The following AAMDC variants were observed in gnomAD, a reference collection of about 807,000 sequenced individuals.
AAMDC encodes the protein mth938 domain-containing protein.
A neutral mutation model predicts 15.5 loss-of-function variants in AAMDC; 16 were observed. That is an observed-to-expected ratio of 1.03 (90% confidence interval 0.70 to 1.57). The LOEUF (loss-of-function observed/expected upper bound fraction) is 1.57. Ranked by LOEUF, AAMDC falls within the 40% of genes most tolerant of loss-of-function variation. AAMDC has a pLI of 0.00. For synonymous variants in AAMDC, 51 were observed against 51.6 expected (o/e 0.99, Z 0.05); for missense variants, 141 against 144.9 (o/e 0.97, Z 0.14).
intron 2 of AAMDC, among the ~76,000 whole-genome samples, chr11:77,863,616 T>C (rs144923176): frequency 6.2e-4 from 95 of 152,292 alleles, no homozygotes; most frequent in African/African-American, 2.0e-3. Flanking sequence ...CTTGAACTCC[T>C]GGCCTCAAGA....
intron 2 of AAMDC, among the ~76,000 whole-genome samples, chr11:77,865,301 T>G (rs1951061680): frequency 6.6e-6 from 1 of 152,220 alleles, no homozygotes; most frequent in South Asian, 2.1e-4. Context: ...TCATAAATTA[T>G]TGTGGCCAGT....
chr11:77,869,109 T>C (rs935352159), intron 2 of AAMDC: 20 of 270,404 alleles, frequency 7.4e-5, no homozygotes, highest in African/African-American at 3.4e-4. Context: ...ACATGTACCA[T>C]GTGGCCAAAG....
At chr11:77,860,540 G>C (rs1298236827) in intron 2 of AAMDC, among the ~76,000 whole-genome samples, 1 of 152,234 alleles carries the variant, frequency 6.6e-6, no homozygotes, top group Non-Finnish European at 1.5e-5. Context: ...TGGGTGGCTT[G>C]ATGGCACAAG....
intron 5 of AAMDC, among the ~76,000 whole-genome samples, chr11:77,886,380 T>C (rs917390929): frequency 2.0e-5 from 3 of 152,146 alleles, no homozygotes; most frequent in Admixed American, 1.3e-4. Flanking sequence ...GTATGAATGA[T>C]CATCAGGTAG....
chr11:77,825,947 C>T (rs1261678103), intron 1 of AAMDC, among the ~76,000 whole-genome samples: 1 of 152,140 alleles, frequency 6.6e-6, no homozygotes, highest in Non-Finnish European at 1.5e-5. Context: ...TCACCTCGGC[C>T]TCCCAAAGTG....
At chr11:77,896,138 T>G (rs1952507075) in intron 5 of AAMDC, among the ~76,000 whole-genome samples, 1 of 151,856 alleles carries the variant, frequency 6.6e-6, no homozygotes, top group East Asian at 1.9e-4. Flanking sequence ...CGGTGAGAGT[T>G]AACAGGGGAT....
At chr11:77,839,918 C>G (rs2136123550) in intron 1 of AAMDC, among the ~76,000 whole-genome samples, 1 of 152,234 alleles carries the variant, frequency 6.6e-6, no homozygotes. Flanking sequence ...ACCACCATGG[C>G]ACATGTGTAC....
chr11:77,862,737 C>T (rs1950935345), intron 2 of AAMDC, among the ~76,000 whole-genome samples: 1 of 152,156 alleles, frequency 6.6e-6, no homozygotes. Context: ...TTCACTCTTC[C>T]TTCTTTTCTA....
intron 5 of AAMDC, among the ~76,000 whole-genome samples, chr11:77,889,439 TA>T (rs1440741774): frequency 2.0e-5 from 3 of 151,902 alleles, no homozygotes; most frequent in African/African-American, 7.3e-5. Context: ...GAGATATACC[TA>T]ATGCTAGATG....
At chr11:77,824,512 A>G (rs1949078696) in intron 1 of AAMDC, among the ~76,000 whole-genome samples, 1 of 152,248 alleles carries the variant, frequency 6.6e-6, no homozygotes, top group African/African-American at 2.4e-5. Context: ...ATATTCATCA[A>G]CAGAAAAATA....
intron 2 of AAMDC, among the ~76,000 whole-genome samples, chr11:77,853,732 G>A (rs1253993894): frequency 6.6e-6 from 1 of 152,008 alleles, no homozygotes; most frequent in African/African-American, 2.4e-5. Context: ...CTTCAGGTGA[G>A]GAGTTCAAGA....
chr11:77,887,264 C>T (rs1952053947), intron 5 of AAMDC, among the ~76,000 whole-genome samples: 1 of 152,158 alleles, frequency 6.6e-6, no homozygotes, highest in African/African-American at 2.4e-5. Flanking sequence ...AAGGCTGGTT[C>T]AACATACGAA....
At chr11:77,874,120 C>T (rs1163626818), downstream of AAMDC, among the ~76,000 whole-genome samples, 2 of 152,192 alleles carry the variant, frequency 1.3e-5, no homozygotes, top group Admixed American at 6.5e-5. Flanking sequence ...GATTAGAACC[C>T]AGCACTGTGT....
At chr11:77,898,394 C>T (rs1292782547) in intron 5 of AAMDC, among the ~76,000 whole-genome samples, 4 of 152,164 alleles carry the variant, frequency 2.6e-5, no homozygotes, top group Non-Finnish European at 4.4e-5. Context: ...GAACTCCTGA[C>T]CTCGTGATCC....
chr11:77,843,948 T>C (rs1950037093), intron 2 of AAMDC, among the ~76,000 whole-genome samples: 3 of 152,158 alleles, frequency 2.0e-5, no homozygotes. Flanking sequence ...TTTAAAACCA[T>C]CAGATCTCAT....
downstream of AAMDC, chr11:77,876,815 G>A (rs56214713): frequency 2.7e-3 from 1,605 of 597,158 alleles, 20 homozygotes; most frequent in African/African-American, 0.028. Context: ...TGGAAAATGA[G>A]GGCTAACTTG....
At chr11:77,843,242 T>C (rs1460913278) in intron 2 of AAMDC, among the ~76,000 whole-genome samples, 1 of 152,232 alleles carries the variant, frequency 6.6e-6, no homozygotes, top group Non-Finnish European at 1.5e-5. Flanking sequence ...GTTGTTCTCA[T>C]TGCGGTTTTT....
At chr11:77,844,391 C>T (rs1041440261) in intron 2 of AAMDC, among the ~76,000 whole-genome samples, 5 of 151,748 alleles carry the variant, frequency 3.3e-5, no homozygotes, top group African/African-American at 1.2e-4. Context: ...TGGAGACAGT[C>T]TCCCTCTGTC....
At chr11:77,838,302 C>G (rs1206817102) in intron 1 of AAMDC, among the ~76,000 whole-genome samples, 2 of 152,144 alleles carry the variant, frequency 1.3e-5, no homozygotes, top group African/African-American at 4.8e-5. Flanking sequence ...TTGCTGTGAA[C>G]ATACCTTGTA....
Sources: allele counts gnomAD v4.1 joint callset (sites outside exome capture counted in the v4.1 genomes callset), GRCh38; gene constraint gnomAD v4.1.1; transcripts MANE v1.5; gene names NCBI Gene and HGNC (gene_info 2026-07-23, HGNC 2026-07-21).